The following KLHL32 variants were observed in gnomAD, a reference collection of about 807,000 sequenced individuals.
The protein encoded by KLHL32 is kelch-like protein 32.
Under a neutral mutation model 64.8 loss-of-function variants are expected in KLHL32, and 35 were observed. The ratio of observed to expected loss-of-function variants is 0.54; its 90% CI spans 0.41 to 0.72. KLHL32 has a LOEUF of 0.72. Ranked by LOEUF, KLHL32 falls within the 30% of genes least tolerant of loss-of-function variation. The probability of loss-of-function intolerance (pLI) is 0.00; values close to 1 mark genes in which losing one functional copy is unlikely to be tolerated. For missense variants in KLHL32, 589 were observed against 768.5 expected (o/e 0.77, Z 2.76); for synonymous variants, 259 against 281.0 (o/e 0.92, Z 0.78).
At position 96,939,519 on chromosome 6, in the gene KLHL32, G is replaced by A. The variant is rs143460605; in HGVS notation, c.-66+14493G>A. Among the ~76,000 whole-genome samples, 1,379 of 152,300 alleles carry A rather than the reference G, an allele frequency of 9.1e-3. 9 individuals carry two copies. Among genetic ancestry groups the A allele is most frequent in the Non-Finnish European group, 0.015 (1,008 of 68,026 alleles). On this transcript the variant is annotated intron_variant, in intron 1 of 10. Transcript: ENST00000369261. ...AAGTGGGAAGCTTTGACCTGCTCTGGAGGTTGATGAGGAAGCCTTCCCTAA... is the reference window on the plus strand; with the variant it reads ...AAGTGGGAAGCTTTGACCTGCTCTGAAGGTTGATGAGGAAGCCTTCCCTAA...
intron 8 of KLHL32, 65 bp from the exon 9 acceptor site, chr6:97,130,692 C>A: frequency 7.6e-7 from 1 of 1,315,374 alleles, no homozygotes; most frequent in Non-Finnish European, 1.0e-6. Context: ...TTATGAGGCA[C>A]TCGTTGCTGT....
chr6:97,109,304 A>G (rs576531021), intron 6 of KLHL32, among the ~76,000 whole-genome samples: 1 of 152,372 alleles, frequency 6.6e-6, no homozygotes, highest in East Asian at 1.9e-4. Context: ...TTAATAAATG[A>G]TAAAAGTTGA....
upstream of KLHL32, chr6:96,924,522 G>C (rs1375023181): frequency 1.2e-4 from 18 of 150,484 alleles, no homozygotes; most frequent in Non-Finnish European, 2.4e-4. Flanking sequence ...GCGGGCGGTG[G>C]CGTTGCGCGC....
At chr6:96,957,367 C>T (rs975260588) in intron 1 of KLHL32, among the ~76,000 whole-genome samples, 3 of 152,030 alleles carry the variant, frequency 2.0e-5, no homozygotes, top group African/African-American at 7.2e-5. Context: ...TATTACAGGA[C>T]TTTCTAATTA....
At chr6:96,987,566 TACCAATG>T (rs1237280179) in intron 3 of KLHL32, among the ~76,000 whole-genome samples, 2 of 152,352 alleles carry the variant, frequency 1.3e-5, no homozygotes, top group East Asian at 3.9e-4. Context: ...CCCATCAAGC[TACCAATG>T]ACTTTCTTCA....
At chr6:97,048,034 C>G (rs916436483) in intron 4 of KLHL32, among the ~76,000 whole-genome samples, 4 of 152,152 alleles carry the variant, frequency 2.6e-5, no homozygotes, top group African/African-American at 7.2e-5. Flanking sequence ...GTGATAAATA[C>G]CTTACATGTA....
the KLHL32 span, among the ~76,000 whole-genome samples, chr6:96,916,536 G>T: frequency 1.3e-5 from 2 of 152,096 alleles, no homozygotes; most frequent in African/African-American, 4.8e-5. Flanking sequence ...CCTTTGCCTT[G>T]TCACTTTCCC....
chr6:96,934,369 C>T (rs974535854), intron 1 of KLHL32, among the ~76,000 whole-genome samples: 7 of 152,200 alleles, frequency 4.6e-5, no homozygotes, highest in Non-Finnish European at 1.0e-4. Context: ...GCTGCTCACA[C>T]TCTGCTTCTT....
intron 6 of KLHL32, among the ~76,000 whole-genome samples, chr6:97,085,919 G>T (rs769868269): frequency 6.6e-6 from 1 of 152,116 alleles, no homozygotes; most frequent in African/African-American, 2.4e-5. Flanking sequence ...ACATTGTGTC[G>T]CTCCCTTGTC....
chr6:97,068,392 T>C (rs1482169605), intron 5 of KLHL32, among the ~76,000 whole-genome samples: 2 of 152,188 alleles, frequency 1.3e-5, no homozygotes, highest in African/African-American at 4.8e-5. Context: ...ATAGGTTTAA[T>C]ATCTATTGCT....
intron 2 of KLHL32, among the ~76,000 whole-genome samples, chr6:96,974,214 A>G (rs563331171): frequency 6.6e-6 from 1 of 152,346 alleles, no homozygotes; most frequent in Non-Finnish European, 1.5e-5. Flanking sequence ...AGAATAGTTC[A>G]TGGGACACGG....
the KLHL32 span, among the ~76,000 whole-genome samples, chr6:96,904,170 C>A: frequency 1.1e-3 from 168 of 151,646 alleles, no homozygotes; most frequent in Non-Finnish European, 2.2e-3. Context: ...ACTAAAACCC[C>A]GTCTCTACTA....
the KLHL32 span, chr6:96,914,889 A>C: frequency 0.062 from 9,384 of 151,990 alleles, 318 homozygotes; most frequent in South Asian, 0.13. Flanking sequence ...TAGTGCAGAC[A>C]CCCAATCAGC....
At chr6:97,131,932 C>T (rs1799484946) in intron 9 of KLHL32, among the ~76,000 whole-genome samples, 1 of 152,120 alleles carries the variant, frequency 6.6e-6, no homozygotes, top group African/African-American at 2.4e-5. Flanking sequence ...TTTATTACCC[C>T]AGTCAATCCT....
intron 3 of KLHL32, among the ~76,000 whole-genome samples, chr6:96,992,488 A>G (rs956782156): frequency 3.9e-5 from 6 of 152,268 alleles, no homozygotes; most frequent in Admixed American, 2.0e-4. Context: ...AATGCGCACT[A>G]GCTGCTTCTA....
chr6:97,001,915 A>G (rs932463744), intron 3 of KLHL32, among the ~76,000 whole-genome samples: 4 of 152,216 alleles, frequency 2.6e-5, no homozygotes. Context: ...ATGCTGTTAC[A>G]AAAGAGAGAA....
intron 6 of KLHL32, among the ~76,000 whole-genome samples, chr6:97,088,288 G>T (rs759917959): frequency 2.6e-5 from 4 of 152,172 alleles, no homozygotes; most frequent in Non-Finnish European, 5.9e-5. Flanking sequence ...CCAGATGAAA[G>T]ACACCAAATT....
At chr6:97,138,828 G>A (rs1800359309) in intron 10 of KLHL32, among the ~76,000 whole-genome samples, 1 of 152,122 alleles carries the variant, frequency 6.6e-6, no homozygotes, top group Non-Finnish European at 1.5e-5. Flanking sequence ...ACTTGTCTAA[G>A]GCAGTTTTCT....
intron 5 of KLHL32, among the ~76,000 whole-genome samples, chr6:97,065,515 G>T (rs916855219): frequency 2.0e-5 from 3 of 152,146 alleles, no homozygotes; most frequent in African/African-American, 4.8e-5. Context: ...GAGTCTCTTG[G>T]ACTTTATAGA....
Sources: gnomAD v4.1 joint callset for allele counts (sites outside exome capture counted in the v4.1 genomes callset) on GRCh38, gnomAD v4.1.1 for gene constraint, MANE v1.5 for transcripts, NCBI Gene and HGNC (gene_info 2026-07-23, HGNC 2026-07-21) for gene names.